Variants in ZDHHC15 observed in about 807,000 individuals in gnomAD.
The protein encoded by ZDHHC15 is palmitoyltransferase ZDHHC15.
In ZDHHC15, 19 loss-of-function variants were observed where a neutral mutation model predicts 31.7. The ratio of observed to expected loss-of-function variants is 0.60; its 90% CI spans 0.42 to 0.88. ZDHHC15 has a LOEUF of 0.88. ZDHHC15 is among the 40% of genes least tolerant of loss of function. ZDHHC15 has a pLI of 0.00. For missense variants in ZDHHC15, 209 were observed against 251.2 expected (o/e 0.83, Z 1.14); for synonymous variants, 103 against 90.0 (o/e 1.14, Z -0.82).
At chrX:75,515,652 C>T (rs1409816606) in intron 1 of ZDHHC15, among the ~76,000 whole-genome samples, 3 of 111,845 alleles carry the variant, frequency 2.7e-5, no homozygotes, top group Non-Finnish European at 3.8e-5. Context: ...AAACTGGAAG[C>T]ATTCCCTTTG....
chrX:75,504,301 G>GT (rs1034192018), intron 2 of ZDHHC15, among the ~76,000 whole-genome samples: 6 of 111,147 alleles, frequency 5.4e-5, no homozygotes, highest in East Asian at 2.8e-4. Context: ...TGCTTTTTGT[G>GT]TTTTTTTGCC....
intron 11 of ZDHHC15, among the ~76,000 whole-genome samples, chrX:75,374,965 T>C (rs769356374): frequency 4.7e-4 from 52 of 111,486 alleles, no homozygotes; most frequent in Non-Finnish European, 9.0e-4. Context: ...GATATATTCA[T>C]TATTTTGATT....
At chrX:75,375,232 A>G (rs2083047879) in intron 11 of ZDHHC15, among the ~76,000 whole-genome samples, 1 of 111,891 alleles carries the variant, frequency 8.9e-6, no homozygotes, top group African/African-American at 3.2e-5. Flanking sequence ...CTTGCCTACA[A>G]TAGGTACTGT....
At chrX:75,420,291 A>G (rs2083609050) in intron 9 of ZDHHC15, among the ~76,000 whole-genome samples, 1 of 111,405 alleles carries the variant, frequency 9.0e-6, no homozygotes, top group South Asian at 3.8e-4. Flanking sequence ...CAATCATTAA[A>G]AAGTCAGGAA....
intron 1 of ZDHHC15, among the ~76,000 whole-genome samples, chrX:75,513,566 C>T (rs190127510): frequency 0.017 from 1,898 of 111,190 alleles, 20 homozygotes; most frequent in Non-Finnish European, 0.029. Flanking sequence ...TGAGGACAGC[C>T]GCCTACACTC....
At chrX:75,408,018 C>T (rs1012278592) in intron 10 of ZDHHC15, among the ~76,000 whole-genome samples, 24 of 109,806 alleles carry the variant, frequency 2.2e-4, no homozygotes, top group Non-Finnish European at 4.0e-4. Flanking sequence ...GCAGCATGCT[C>T]GTTAAGAGTC....
At chrX:75,502,006 T>A (rs1199377342) in intron 2 of ZDHHC15, 1 of 111,932 alleles carries the variant, frequency 8.9e-6, no homozygotes, top group African/African-American at 3.2e-5. Context: ...AAGCAGATAT[T>A]TCTACACTTT....
At chrX:75,420,817 T>C (rs1468427071) in intron 9 of ZDHHC15, among the ~76,000 whole-genome samples, 2 of 110,157 alleles carry the variant, frequency 1.8e-5, no homozygotes, top group Non-Finnish European at 3.8e-5. Context: ...GGTGGGGAGC[T>C]AGGGGAGGGA....
rs182946133 is a variant in ZDHHC15, at chrX:75,460,825, A to G, written c.259-9903T>C. On this transcript the variant is annotated intron_variant, in intron 3 of 11. Coordinates refer to ENST00000373367, the MANE Select transcript of ZDHHC15 (RefSeq NM_144969.3). ...ACATTGAAGATAGATAAGCCCACAAATATGAGAAATAATCAACACAAAAAG... is the reference window on the plus strand; with the variant it reads ...ACATTGAAGATAGATAAGCCCACAAGTATGAGAAATAATCAACACAAAAAG... 3.1e-4 allele frequency among the ~76,000 whole-genome samples: 35 copies of G among 112,151 alleles called. No individual in the cohort carries two copies. The East Asian group carries it at 8.4e-3, about 27-fold the overall frequency.
chrX:75,443,989 G>C (rs1220811093), intron 4 of ZDHHC15, among the ~76,000 whole-genome samples: 1 of 110,099 alleles, frequency 9.1e-6, no homozygotes, highest in African/African-American at 3.3e-5. Context: ...AGAGGATGTG[G>C]AGAAATAGGA....
At chrX:75,432,757 G>C (rs947868361) in intron 4 of ZDHHC15, among the ~76,000 whole-genome samples, 1 of 110,841 alleles carries the variant, frequency 9.0e-6, no homozygotes, top group African/African-American at 3.3e-5. Context: ...CACAACTATC[G>C]CTTGAGACCA....
intron 3 of ZDHHC15, among the ~76,000 whole-genome samples, chrX:75,476,251 AT>A (rs760957242): frequency 0.029 from 2,967 of 103,632 alleles, 115 homozygotes; most frequent in African/African-American, 0.093. Context: ...AATGTTTCTT[AT>A]TTTTTTTTTT....
rs765502558 is a variant in ZDHHC15 at position 75,493,268 on chromosome X, C to A, written c.163+12553G>T. On this transcript the variant is annotated intron_variant, in intron 2 of 11. Coordinates refer to ENST00000373367, the MANE Select transcript of ZDHHC15 (RefSeq NM_144969.3). The stretch of plus-strand genomic sequence containing the variant: ...AATCTCTGAATAGACCAATAAGAGG[C>A]TCTGAAATTCAGTCAATAATTAATA... Among the ~76,000 whole-genome samples, 10 of 111,762 alleles carry A rather than the reference C, an allele frequency of 8.9e-5. No homozygotes were observed. In the South Asian group the frequency reaches 1.1e-3, roughly 13 times the overall value.
rs964354994 is a variant in ZDHHC15, at chrX:75,372,920, C to A, written c.*58G>T. ...ATTTCCAACATTGAACTCTGTAAGCCTCATGGGAGGCAGAGATGGTGAGTC... is the reference window on the plus strand; with the variant it reads ...ATTTCCAACATTGAACTCTGTAAGCATCATGGGAGGCAGAGATGGTGAGTC... On this transcript the variant is annotated 3_prime_UTR_variant, in exon 12 of 12. Transcript: ENST00000373367. 2 of 111,632 alleles carry A rather than the reference C, an allele frequency of 1.8e-5. No homozygotes were observed. The highest frequency in any genetic ancestry group is 6.5e-5 in the African/African-American group (2 of 30,700). 9.2% of individuals were successfully genotyped at this position (111,632 alleles called of 1,213,427 possible).
chrX:75,471,972 C>G (rs1262066298), intron 3 of ZDHHC15, among the ~76,000 whole-genome samples: 1 of 111,756 alleles, frequency 8.9e-6, no homozygotes, highest in African/African-American at 3.3e-5. Flanking sequence ...GACTATGGGT[C>G]ATAAAGTCAC....
chrX:75,508,120 A>G (rs2085196880), intron 1 of ZDHHC15, among the ~76,000 whole-genome samples: 2 of 111,201 alleles, frequency 1.8e-5, no homozygotes. Flanking sequence ...ATATTTTACC[A>G]ATATATCAAA....
intron 11 of ZDHHC15, among the ~76,000 whole-genome samples, chrX:75,375,951 G>A (rs1334785300): frequency 9.0e-6 from 1 of 111,704 alleles, no homozygotes; most frequent in Non-Finnish European, 1.9e-5. Context: ...GGGTGGCATG[G>A]CAGTTCTAAG....
At position 75,417,193 on chromosome X, in the gene ZDHHC15, G is replaced by T; in HGVS notation, c.864-3C>A. On this transcript the variant is annotated splice_polypyrimidine_tract_variant and splice_region_variant and intron_variant, in intron 9 of 11. Transcript: ENST00000373367. ...GGAAGGAGTGTCCATCACCAGGGCT[G>T]ATGGGAAAAGAAAGGCAGTGACCTA... 8.5e-7 allele frequency: 1 copy of T among 1,173,700 alleles called. No homozygotes were observed. The highest frequency in any genetic ancestry group is 1.2e-6 in the Non-Finnish European group (1 of 864,512).
chrX:75,399,440 C>A (rs2083332442), intron 10 of ZDHHC15, among the ~76,000 whole-genome samples: 1 of 112,062 alleles, frequency 8.9e-6, no homozygotes, highest in African/African-American at 3.2e-5. Flanking sequence ...TCCTAAACAC[C>A]ACCCATGGCT....
Sources: allele counts gnomAD v4.1 joint callset (sites outside exome capture counted in the v4.1 genomes callset), GRCh38; gene constraint gnomAD v4.1.1; transcripts MANE v1.5; gene names NCBI Gene and HGNC (gene_info 2026-07-23, HGNC 2026-07-21).